The following SYT2 variants were observed in gnomAD, a reference collection of about 807,000 sequenced individuals.
SYT2 encodes the protein synaptotagmin 2.
Under a neutral mutation model 39.9 loss-of-function variants are expected in SYT2, and 15 were observed. The ratio of observed to expected loss-of-function variants is 0.38; its 90% CI spans 0.25 to 0.58. The LOEUF (loss-of-function observed/expected upper bound fraction) is 0.58. SYT2 is among the 20% of genes least tolerant of loss of function. SYT2 has a pLI of 0.70. For synonymous variants in SYT2, 181 were observed against 204.5 expected, an observed-to-expected ratio of 0.89 and a Z score of 0.98; for missense variants, 389 against 530.3, an observed-to-expected ratio of 0.73 and a Z score of 2.62.
chr1:202,655,473 GACAAGGGGACACTACCATTAATTCAGGC>G (rs1333979403), intron 1 of SYT2, among the ~76,000 whole-genome samples: 3 of 152,104 alleles, frequency 2.0e-5, no homozygotes, highest in Non-Finnish European at 4.4e-5. Flanking sequence ...AGTCTTCAGG[GACAAGGGGACACTACCATTAATTCAGGC>G]ACAAGGGAAC....
chr1:202,602,015 T>G lies in SYT2; in HGVS notation c.676A>C (p.Ile226Leu). The change falls in exon 6 of 9, where the codon ATC becomes CTC. Residue 226 changes from isoleucine to leucine, a missense_variant. Ile to Leu is a conservative substitution (Grantham distance 5). Around this residue, in one of 4 missense-constraint regions of SYT2, gnomAD observed 280 missense variants for 335.6 expected, o/e 0.83. Coordinates refer to ENST00000367268, the MANE Select transcript of SYT2 (RefSeq NM_177402.5). Reference protein sequence around the residue: ...ELGGKTLVMAIYDFDRFSKHD... With the variant: ...ELGGKTLVMALYDFDRFSKHD... ...TTGGAGAAGCGGTCAAAGTCATAGATGGCCATCACCAGAGTTTTGCCCCCA... is the reference window on the plus strand; with the variant it reads ...TTGGAGAAGCGGTCAAAGTCATAGAGGGCCATCACCAGAGTTTTGCCCCCA... 6.2e-7 allele frequency: 1 copy of G among 1,614,174 alleles called. No individual in the cohort carries two copies. Among genetic ancestry groups the G allele is most frequent in the East Asian group, 2.2e-5 (1 of 44,876 alleles).
At chr1:202,698,767 G>A (rs1451529539) in intron 1 of SYT2, among the ~76,000 whole-genome samples, 1 of 152,182 alleles carries the variant, frequency 6.6e-6, no homozygotes, top group Non-Finnish European at 1.5e-5. Flanking sequence ...ACACAAGAAA[G>A]AACTTCCTCA....
At chr1:202,657,831 C>A (rs1202871499) in intron 1 of SYT2, among the ~76,000 whole-genome samples, 1 of 149,998 alleles carries the variant, frequency 6.7e-6, no homozygotes, top group Non-Finnish European at 1.5e-5. Flanking sequence ...CAGGGCCCTG[C>A]GGAGAGCTCA....
intron 1 of SYT2, among the ~76,000 whole-genome samples, chr1:202,687,405 T>C (rs529598193): frequency 6.6e-6 from 1 of 152,260 alleles, no homozygotes; most frequent in East Asian, 1.9e-4. Flanking sequence ...CTCTCTATCA[T>C]GTTGCTCAGA....
rs902999969 is a variant in SYT2 at position 202,614,865 on chromosome 1, G to A, written c.-17-9076C>T. Among the ~76,000 whole-genome samples, 15 of 152,204 alleles carry A rather than the reference G, an allele frequency of 9.9e-5. No homozygotes were observed. Among genetic ancestry groups the A allele is most frequent in the Non-Finnish European group, 4.4e-5 (3 of 68,024 alleles). ...GGGTGAGGCTGGCAGGCCGGGCAGG[G>A]CAGGATCAGGAGCACCATAGGCCGC... On this transcript the variant is annotated intron_variant, in intron 1 of 8. Transcript: ENST00000367268. This position sits in a 1 kb window ranked among gnomAD's most constrained non-coding sequence, Gnocchi z 4.0.
At chr1:202,657,774 T>A (rs1234719010) in intron 1 of SYT2, among the ~76,000 whole-genome samples, 1 of 151,652 alleles carries the variant, frequency 6.6e-6, no homozygotes, top group Admixed American at 6.6e-5. Flanking sequence ...AGCCAGCAGG[T>A]GGGTAGAGGG....
chr1:202,603,884 C>T (rs977216409), intron 3 of SYT2, among the ~76,000 whole-genome samples: 7 of 151,220 alleles, frequency 4.6e-5, no homozygotes, highest in Non-Finnish European at 1.0e-4. Context: ...TAGTCACCCC[C>T]AAACAAACAT....
At chr1:202,650,439 TG>T (rs111789922) in intron 1 of SYT2, among the ~76,000 whole-genome samples, 3,552 of 147,234 alleles carry the variant, frequency 0.024, 181 homozygotes, top group African/African-American at 0.087. Context: ...CATATGCTTT[TG>T]TTTTTTTTTT....
chr1:202,610,597 C>T (rs1690859564), intron 1 of SYT2, among the ~76,000 whole-genome samples: 1 of 152,182 alleles, frequency 6.6e-6, no homozygotes, highest in South Asian at 2.1e-4. Flanking sequence ...CCAAAATCTC[C>T]TTAAGCTGAT....
chr1:202,622,670 G>C (rs1440930809), intron 1 of SYT2, among the ~76,000 whole-genome samples: 1 of 152,154 alleles, frequency 6.6e-6, no homozygotes, highest in Admixed American at 6.5e-5. Flanking sequence ...AGCTGTGTGT[G>C]GGGGTTAAGC....
intron 1 of SYT2, among the ~76,000 whole-genome samples, chr1:202,643,082 C>G (rs1169774352): frequency 6.6e-6 from 1 of 152,242 alleles, no homozygotes; most frequent in Non-Finnish European, 1.5e-5. Flanking sequence ...CAGTTCCCAC[C>G]GCGGGCTCAG....
At chr1:202,638,793 C>G (rs1350534227) in intron 1 of SYT2, among the ~76,000 whole-genome samples, 2 of 152,180 alleles carry the variant, frequency 1.3e-5, no homozygotes, top group Admixed American at 6.5e-5. Context: ...CAGACTTATT[C>G]CCCGTCCTTT....
In SYT2 at chr1:202,594,737, C is replaced by T. The variant is rs1331514862; in HGVS notation, c.*2020G>A. The T allele has an allele frequency of 6.6e-6, 1 of 150,978 alleles. No individual in the cohort carries two copies. Among genetic ancestry groups the T allele is most frequent in the Non-Finnish European group, 1.5e-5 (1 of 68,292 alleles). The allele number at this position is 150,978 out of a possible 1,614,324, so 9.4% of individuals were successfully genotyped here. A position where few individuals can be genotyped will look rare whatever the true frequency, so the allele number is the denominator to read the frequency against. ...ACACACACACACACACCAGTAAAAA[C>T]ATAACTTCCCATGTACCACTAACAA... On this transcript the variant is annotated 3_prime_UTR_variant, in exon 9 of 9. Coordinates refer to ENST00000367268, the MANE Select transcript of SYT2 (RefSeq NM_177402.5).
chr1:202,596,657 G>T lies in SYT2; in HGVS notation c.*100C>A. The T allele has an allele frequency of 8.4e-7, 1 of 1,187,856 alleles. No homozygotes were observed. The highest frequency in any genetic ancestry group is 1.2e-6 in the Non-Finnish European group (1 of 853,286). 73.6% of individuals were successfully genotyped at this position (1,187,856 alleles called of 1,614,324 possible). On this transcript the variant is annotated 3_prime_UTR_variant, in exon 9 of 9. Transcript: ENST00000367268. ...ACAAGGACACAACCACCCAACAAAT[G>T]AAAGAAAAAAGAAAACCTCTAAGGT...
rs1038608322 is a variant in SYT2 at position 202,594,755 on chromosome 1, A to C, written c.*2002T>G. 1.4e-5 allele frequency: 2 copies of C among 141,340 alleles called. No individual in the cohort carries two copies. The highest frequency in any genetic ancestry group is 3.2e-5 in the Non-Finnish European group (2 of 63,330). The allele number at this position is 141,340 out of a possible 1,614,324, so 8.8% of individuals were successfully genotyped here. On this transcript the variant is annotated 3_prime_UTR_variant, in exon 9 of 9. Coordinates refer to ENST00000367268, the MANE Select transcript of SYT2 (RefSeq NM_177402.5). ...GTAAAAACATAACTTCCCATGTACC[A>C]CTAACAAGACAAAGAAGGATCTCCA...
chr1:202,664,469 A>T (rs1692446686), intron 1 of SYT2, among the ~76,000 whole-genome samples: 1 of 152,094 alleles, frequency 6.6e-6, no homozygotes, highest in African/African-American at 2.4e-5. Context: ...GCACTTTCCC[A>T]CCACCCCAAT....
intron 1 of SYT2, among the ~76,000 whole-genome samples, chr1:202,637,643 G>A (rs1691776473): frequency 6.8e-6 from 1 of 146,412 alleles, no homozygotes; most frequent in African/African-American, 2.4e-5. Flanking sequence ...GCAGCTTTGA[G>A]AGACTCTCCT....
rs1690986204 is a variant in SYT2 at position 202,614,769 on chromosome 1, T to G, written c.-17-8980A>C. ...CACAGCCTATGCAAAGGCCCAGAGGTGGGATGCAGTGTGGTGAGTCCAAAG... is the reference window on the plus strand; with the variant it reads ...CACAGCCTATGCAAAGGCCCAGAGGGGGGATGCAGTGTGGTGAGTCCAAAG... On this transcript the variant is annotated intron_variant, in intron 1 of 8. Coordinates refer to ENST00000367268, the MANE Select transcript of SYT2 (RefSeq NM_177402.5). This position sits in a 1 kb window ranked among gnomAD's most constrained non-coding sequence, Gnocchi z 4.0. 1.3e-5 allele frequency among the ~76,000 whole-genome samples: 2 copies of G among 151,806 alleles called. No individual in the cohort carries two copies. Among genetic ancestry groups the G allele is most frequent in the Non-Finnish European group, 2.9e-5 (2 of 67,960 alleles).
chr1:202,616,116 G>C (rs149257580), intron 1 of SYT2, among the ~76,000 whole-genome samples: 3 of 152,036 alleles, frequency 2.0e-5, no homozygotes, highest in Non-Finnish European at 4.4e-5. Context: ...CACCAGCTTC[G>C]CCTCCTCCTC....
Sources: gnomAD v4.1 joint callset for allele counts (sites outside exome capture counted in the v4.1 genomes callset) on GRCh38, gnomAD v4.1.1 for gene constraint, gnomAD v4.1.1 regional missense constraint, Gnocchi (gnomAD v3.1) non-coding constraint, MANE v1.5 for transcripts, NCBI Gene and HGNC (gene_info 2026-07-23, HGNC 2026-07-21) for gene names.